RAB31: variants seen among roughly 807,000 people sequenced by gnomAD.
The protein encoded by RAB31 is ras-related protein Rab-31.
Under a neutral mutation model 25.6 loss-of-function variants are expected in RAB31, and 21 were observed. That is an observed-to-expected ratio of 0.82 (90% CI 0.58 to 1.18). RAB31 has a LOEUF of 1.18. Ranked by LOEUF, RAB31 falls within the 50% of genes most tolerant of loss-of-function variation. RAB31 has a pLI of 0.00. For missense variants in RAB31, 196 were observed against 250.1 expected, an observed-to-expected ratio of 0.78 and a Z score of 1.46; for synonymous variants, 87 against 84.0, an observed-to-expected ratio of 1.04 and a Z score of -0.20.
intron 2 of RAB31, among the ~76,000 whole-genome samples, chr18:9,775,782 G>A (rs1215956115): frequency 2.0e-5 from 3 of 151,722 alleles, no homozygotes; most frequent in African/African-American, 7.3e-5. Flanking sequence ...TTCCTTTTCT[G>A]GAATTATCTT....
At position 9,859,400 on chromosome 18, in the gene RAB31, C is replaced by T. The variant is rs148383041; in HGVS notation, c.*75C>T. On this transcript the variant is annotated 3_prime_UTR_variant, in exon 7 of 7. Coordinates refer to ENST00000578921, the MANE Select transcript of RAB31 (RefSeq NM_006868.4). ...GTGCACTGCTGAAGGACCCTACGCT[C>T]GGTGGCCTGGCACCTCACTTTGAGA... 361 of 1,315,432 alleles carry T rather than the reference C, an allele frequency of 2.7e-4. No homozygotes were observed. In the African/African-American group the frequency reaches 4.2e-3, roughly 15 times the overall value. The allele number at this position is 1,315,432 out of a possible 1,614,324, so 81.5% of individuals were successfully genotyped here. A position where few individuals can be genotyped will look rare whatever the true frequency, so the allele number is the denominator to read the frequency against.
chr18:9,718,485 T>C (rs926288580), intron 1 of RAB31, among the ~76,000 whole-genome samples: 4 of 150,540 alleles, frequency 2.7e-5, no homozygotes, highest in Non-Finnish European at 5.9e-5. Context: ...TCTTGAACTC[T>C]TGACCTCAGG....
chr18:9,788,885 G>T (rs150338521), intron 2 of RAB31, among the ~76,000 whole-genome samples: 35 of 152,192 alleles, frequency 2.3e-4, no homozygotes, highest in African/African-American at 8.2e-4. Flanking sequence ...CAGGAGAATC[G>T]CATGAACCTG....
At chr18:9,825,177 C>G (rs1197694862) in intron 5 of RAB31, among the ~76,000 whole-genome samples, 2 of 152,176 alleles carry the variant, frequency 1.3e-5, no homozygotes, top group African/African-American at 4.8e-5. Context: ...TCTGGGGTAC[C>G]AGCTGACTTG....
chr18:9,791,665 C>T (rs765746341), intron 2 of RAB31, among the ~76,000 whole-genome samples: 7 of 152,116 alleles, frequency 4.6e-5, no homozygotes, highest in Non-Finnish European at 1.0e-4. Context: ...GCCATCTTGG[C>T]TCACTGCAAC....
At chr18:9,795,299 A>C (rs2068481599) in intron 3 of RAB31, among the ~76,000 whole-genome samples, 1 of 152,200 alleles carries the variant, frequency 6.6e-6, no homozygotes, top group Non-Finnish European at 1.5e-5. Flanking sequence ...AGAAGATAAC[A>C]TTGGAGAAGC....
At chr18:9,820,153 G>T (rs1315122112) in intron 5 of RAB31, among the ~76,000 whole-genome samples, 2 of 151,998 alleles carry the variant, frequency 1.3e-5, no homozygotes, top group Non-Finnish European at 2.9e-5. Context: ...AGGATAAAAT[G>T]CTCCAGTAAG....
Position 9,708,302 on chromosome 18 carries a change from CG to C in RAB31, c.-101del, listed in dbSNP as rs2067996036. ...ATAGCAGCGGCGGCGGTTCCGCCCGCGGGCGGCGCGAGCGAGGGGCAGAGGC... is the reference window on the plus strand; with the variant it reads ...ATAGCAGCGGCGGCGGTTCCGCCCGCGGCGGCGCGAGCGAGGGGCAGAGGC... On this transcript the variant is annotated 5_prime_UTR_variant, in exon 1 of 7. Transcript: ENST00000578921. The surrounding 1 kb of genome is among the most constrained non-coding windows in gnomAD (Gnocchi z 6.4). 3 of 827,564 alleles carry C rather than the reference CG, an allele frequency of 3.6e-6. No individual in the cohort carries two copies. The Admixed American group carries it at 1.4e-4, about 39-fold the overall frequency. 51.3% of individuals were successfully genotyped at this position (827,564 alleles called of 1,614,324 possible). A position where few individuals can be genotyped will look rare whatever the true frequency, so the allele number is the denominator to read the frequency against.
chr18:9,747,388 A>G (rs1250766102), intron 1 of RAB31, among the ~76,000 whole-genome samples: 2 of 152,242 alleles, frequency 1.3e-5, no homozygotes, highest in Non-Finnish European at 2.9e-5. Flanking sequence ...ACTCCTAGGT[A>G]TATGCCACAA....
At chr18:9,758,919 C>T (rs938237773) in intron 1 of RAB31, among the ~76,000 whole-genome samples, 3 of 152,090 alleles carry the variant, frequency 2.0e-5, no homozygotes, top group Non-Finnish European at 4.4e-5. Flanking sequence ...GTGTAACTGA[C>T]GACGTCTGCA....
Position 9,792,046 on chromosome 18 carries a change from C to T in RAB31, c.120-108C>T. On this transcript the variant is annotated intron_variant, in intron 2 of 6. Coordinates refer to ENST00000578921, the MANE Select transcript of RAB31 (RefSeq NM_006868.4). ...TCTCGTCTTAGTGGTTCCCAAGGACCAGGGCTTTTTGGGGTCCTGCTGAGG... is the reference window on the plus strand; with the variant it reads ...TCTCGTCTTAGTGGTTCCCAAGGACTAGGGCTTTTTGGGGTCCTGCTGAGG... The T allele has an allele frequency of 2.8e-6, 4 of 1,435,380 alleles. No individual in the cohort carries two copies. The South Asian group carries it at 5.9e-5, about 21-fold the overall frequency. The allele number at this position is 1,435,380 out of a possible 1,614,324, so 88.9% of individuals were successfully genotyped here. A position where few individuals can be genotyped will look rare whatever the true frequency, so the allele number is the denominator to read the frequency against.
rs113543021 is a variant in RAB31 at position 9,735,913 on chromosome 18, C to T, written c.39+27469C>T. 2.6e-3 allele frequency among the ~76,000 whole-genome samples: 393 copies of T among 152,268 alleles called. 5 individuals carry two copies. Among genetic ancestry groups the T allele is most frequent in the African/African-American group, 8.3e-3 (343 of 41,548 alleles). Reference sequence around the variant, plus strand: ...GTGCCATGGTGAGATAATAGCTTACCGCAGTCTTGAACTCCTGAGTACAAG... The same window carrying T: ...GTGCCATGGTGAGATAATAGCTTACTGCAGTCTTGAACTCCTGAGTACAAG... On this transcript the variant is annotated intron_variant, in intron 1 of 6. Transcript: ENST00000578921.
At chr18:9,741,742 C>G (rs1164540812) in intron 1 of RAB31, among the ~76,000 whole-genome samples, 1 of 152,220 alleles carries the variant, frequency 6.6e-6, no homozygotes, top group Non-Finnish European at 1.5e-5. Flanking sequence ...CAGCAGCCCC[C>G]TCAGGGGCCG....
At chr18:9,803,399 C>G (rs2068523940) in intron 3 of RAB31, among the ~76,000 whole-genome samples, 1 of 152,070 alleles carries the variant, frequency 6.6e-6, no homozygotes, top group Non-Finnish European at 1.5e-5. Flanking sequence ...CTATGCCTGG[C>G]TAATATTTTT....
At chr18:9,830,004 A>AAATATTGTTATT (rs1555691210) in intron 5 of RAB31, among the ~76,000 whole-genome samples, 2 of 149,466 alleles carry the variant, frequency 1.3e-5, no homozygotes, top group East Asian at 4.0e-4. Flanking sequence ...TGCTTTTAAA[A>AAATATTGTTATT]AATATTATTA....
chr18:9,745,772 G>A (rs1420531154), intron 1 of RAB31, among the ~76,000 whole-genome samples: 1 of 152,174 alleles, frequency 6.6e-6, no homozygotes, highest in Non-Finnish European at 1.5e-5. Flanking sequence ...TAGAGATAGA[G>A]GGGAACATGT....
At chr18:9,764,857 T>G (rs1189762185) in intron 1 of RAB31, among the ~76,000 whole-genome samples, 1 of 152,142 alleles carries the variant, frequency 6.6e-6, no homozygotes, top group African/African-American at 2.4e-5. Flanking sequence ...TAGTTTAAAT[T>G]TACTTCTGTA....
At chr18:9,804,193 C>G (rs919895395) in intron 3 of RAB31, among the ~76,000 whole-genome samples, 1 of 152,218 alleles carries the variant, frequency 6.6e-6, no homozygotes, top group Admixed American at 6.5e-5. Flanking sequence ...TCACTGGAGA[C>G]CCTGCTGTTG....
rs112148758 is a variant in RAB31, at chr18:9,799,633, A to C, written c.201+7398A>C. The stretch of plus-strand genomic sequence containing the variant: ...CGCCTCAGCCTCCAGAGTAGCTGGG[A>C]CTACAGGTGCGCCACCGTGCCCAGC... On this transcript the variant is annotated intron_variant, in intron 3 of 6. Transcript: ENST00000578921. 2.0e-3 allele frequency among the ~76,000 whole-genome samples: 312 copies of C among 152,242 alleles called. 2 individuals carry two copies. Among genetic ancestry groups the C allele is most frequent in the African/African-American group, 7.1e-3 (295 of 41,536 alleles).
Sources: allele counts gnomAD v4.1 joint callset (sites outside exome capture counted in the v4.1 genomes callset), GRCh38; gene constraint gnomAD v4.1.1; non-coding constraint Gnocchi (gnomAD v3.1); transcripts MANE v1.5; gene names NCBI Gene and HGNC (gene_info 2026-07-23, HGNC 2026-07-21).